Variants in DGKB observed in about 807,000 individuals in gnomAD.
DGKB encodes 90 kDa diacylglycerol kinase.
In DGKB, 67 loss-of-function variants were observed where a neutral mutation model predicts 114.3. The ratio of observed to expected loss-of-function variants is 0.59; its 90% confidence interval spans 0.48 to 0.72. The LOEUF (loss-of-function observed/expected upper bound fraction) is 0.72, where lower values mean the gene tolerates loss of function less well. Among genes scored for constraint, DGKB ranks in the 30% least tolerant of loss-of-function variants. DGKB has a pLI of 0.00. For synonymous variants in DGKB, 398 were observed against 323.1 expected (o/e 1.23, Z -2.49); for missense variants, 907 against 975.2 (o/e 0.93, Z 0.93).
intron 1 of DGKB, among the ~76,000 whole-genome samples, chr7:14,893,191 T>C (rs141185372): frequency 6.6e-6 from 1 of 151,380 alleles, no homozygotes; most frequent in Non-Finnish European, 1.5e-5. Flanking sequence ...CAACAAGTTT[T>C]TGTCTGGGTT....
chr7:14,402,732 A>G (rs528406519), intron 21 of DGKB, among the ~76,000 whole-genome samples: 8 of 152,040 alleles, frequency 5.3e-5, no homozygotes, highest in Non-Finnish European at 1.2e-4. Flanking sequence ...ATACCAGTCT[A>G]GATGTTGCTG....
At chr7:14,162,295 C>T (rs144771327) in intron 25 of DGKB, among the ~76,000 whole-genome samples, 166 of 152,292 alleles carry the variant, frequency 1.1e-3, no homozygotes, top group Middle Eastern at 6.8e-3. Context: ...CTGATGATAA[C>T]CATCAACTGG....
chr7:14,682,727 G>A (rs1821046602), intron 11 of DGKB, 26 bp downstream of exon 11: 1 of 1,609,828 alleles, frequency 6.2e-7, no homozygotes, highest in African/African-American at 1.3e-5. Flanking sequence ...GCCACCTTCA[G>A]AAAGCAAGCA....
At chr7:14,638,854 TG>T (rs1366824204) in intron 13 of DGKB, among the ~76,000 whole-genome samples, 1 of 151,990 alleles carries the variant, frequency 6.6e-6, no homozygotes, top group Admixed American at 6.6e-5. Context: ...CTGGCCAATA[TG>T]GTGAAACCCA....
Position 14,180,490 on chromosome 7 carries a change from C to T in DGKB, c.2123-2339G>A, listed in dbSNP as rs534375583. On this transcript the variant is annotated intron_variant, in intron 23 of 25. Transcript: ENST00000402815. ...GATATTTCTCATAGACTTAGAACAC[C>T]CAGGCTTTTAAACTTTCATGTTCTT... is the stretch of plus-strand genomic sequence containing the variant. Among the ~76,000 whole-genome samples the T allele has an allele frequency of 5.9e-5, 9 of 152,090 alleles. No homozygotes were observed. The East Asian group carries it at 1.7e-3, about 29-fold the overall frequency.
chr7:14,715,672 C>G (rs940063970), intron 6 of DGKB, among the ~76,000 whole-genome samples: 1 of 152,078 alleles, frequency 6.6e-6, no homozygotes, highest in African/African-American at 2.4e-5. Context: ...GAAGACATGG[C>G]TTATATGGTA....
rs148806385 is a variant in DGKB at position 14,433,309 on chromosome 7, C to G, written c.1835+44852G>C. ...CTTCTCAATCCAATTTCCTCCACTG[C>G]TTTGCAGGTATTGATCTCAACAAAA... On this transcript the variant is annotated intron_variant, in intron 21 of 25. Transcript: ENST00000402815. Among the ~76,000 whole-genome samples, 6 of 152,268 alleles carry G rather than the reference C, an allele frequency of 3.9e-5. No individual in the cohort carries two copies. In the East Asian group the frequency reaches 1.2e-3, roughly 29 times the overall value.
chr7:14,184,858 A>T (rs1783165635), intron 23 of DGKB, among the ~76,000 whole-genome samples: 1 of 152,182 alleles, frequency 6.6e-6, no homozygotes. Context: ...CAAAATCGGT[A>T]TGCAAGGGAC....
chr7:14,219,809 G>T (rs1333887442), intron 23 of DGKB, among the ~76,000 whole-genome samples: 4 of 151,546 alleles, frequency 2.6e-5, no homozygotes, highest in Admixed American at 6.6e-5. Flanking sequence ...TTCTTTTGTT[G>T]TTCATGCTGT....
chr7:14,540,817 G>C (rs1793300134), intron 20 of DGKB, among the ~76,000 whole-genome samples: 1 of 152,102 alleles, frequency 6.6e-6, no homozygotes, highest in Non-Finnish European at 1.5e-5. Flanking sequence ...GAATATATTG[G>C]CTGAGGGGAA....
chr7:14,928,352 T>G (rs192286425), intron 1 of DGKB, among the ~76,000 whole-genome samples: 1 of 152,090 alleles, frequency 6.6e-6, no homozygotes, highest in Admixed American at 6.5e-5. Context: ...TAAAATTTTC[T>G]CAGAATTTCA....
At chr7:14,317,547 A>G (rs941240476) in intron 23 of DGKB, among the ~76,000 whole-genome samples, 16 of 151,700 alleles carry the variant, frequency 1.1e-4, no homozygotes, top group Non-Finnish European at 2.2e-4. Context: ...TGCTTCAAAG[A>G]GAATAAAAGA....
chr7:14,432,990 T>C (rs1218848988), intron 21 of DGKB, among the ~76,000 whole-genome samples: 1 of 152,144 alleles, frequency 6.6e-6, no homozygotes, highest in Non-Finnish European at 1.5e-5. Context: ...GGTAAGAGCA[T>C]GGTGGAGTGG....
At chr7:14,693,914 G>C (rs1414581973) in intron 9 of DGKB, among the ~76,000 whole-genome samples, 161 bp downstream of exon 9, 1 of 152,106 alleles carries the variant, frequency 6.6e-6, no homozygotes, top group Non-Finnish European at 1.5e-5. Flanking sequence ...ACTACACAAG[G>C]AGTTACTGTC....
At chr7:14,319,097 T>A (rs1167807716) in intron 23 of DGKB, among the ~76,000 whole-genome samples, 1 of 132,878 alleles carries the variant, frequency 7.5e-6, no homozygotes, top group Non-Finnish European at 1.5e-5. Flanking sequence ...TGAGATCACA[T>A]GGACACAGGA....
chr7:14,919,062 G>GCGCACA (rs1213217913), intron 1 of DGKB, among the ~76,000 whole-genome samples: 1,741 of 118,106 alleles, frequency 0.015, 34 homozygotes, highest in Admixed American at 0.031. Context: ...TCCACCACAC[G>GCGCACA]CACACACACA....
At chr7:14,252,752 G>C (rs899865895) in intron 23 of DGKB, among the ~76,000 whole-genome samples, 2 of 152,182 alleles carry the variant, frequency 1.3e-5, no homozygotes, top group Non-Finnish European at 2.9e-5. Flanking sequence ...GTACACAGGA[G>C]CAAGTCTGGG....
intron 20 of DGKB, among the ~76,000 whole-genome samples, chr7:14,483,171 T>C (rs1037249937): frequency 1.3e-5 from 2 of 151,500 alleles, no homozygotes; most frequent in Non-Finnish European, 2.9e-5. Context: ...ACCTGGTAAC[T>C]TTTTTTACAG....
At chr7:14,239,521 C>A (rs1307872399) in intron 23 of DGKB, among the ~76,000 whole-genome samples, 1 of 152,020 alleles carries the variant, frequency 6.6e-6, no homozygotes, top group African/African-American at 2.4e-5. Context: ...ATTTGTATAG[C>A]ACTTCATAAT....
Sources: allele counts gnomAD v4.1 joint callset (sites outside exome capture counted in the v4.1 genomes callset), GRCh38; gene constraint gnomAD v4.1.1; transcripts MANE v1.5; gene names NCBI Gene and HGNC (gene_info 2026-07-23, HGNC 2026-07-21).